Variants in RIMS1 observed in about 807,000 individuals in gnomAD.
RIMS1 encodes regulating synaptic membrane exocytosis protein 1.
RIMS1 carries 83 observed loss-of-function variants against 214.1 expected under a neutral mutation model. That is an observed-to-expected ratio of 0.39 (90% CI 0.32 to 0.47). The LOEUF (loss-of-function observed/expected upper bound fraction) is 0.47. Ranked by LOEUF, RIMS1 falls within the 20% of genes least tolerant of loss-of-function variation. The probability of loss-of-function intolerance (pLI) is 0.99; values close to 1 mark genes in which losing one functional copy is unlikely to be tolerated. For synonymous variants in RIMS1, 793 were observed against 786.8 expected (o/e 1.01, Z -0.13); for missense variants, 2,050 against 2,161.8 (o/e 0.95, Z 1.03).
chr6:72,108,372 G>A (rs2035231514), intron 4 of RIMS1, among the ~76,000 whole-genome samples: 1 of 152,136 alleles, frequency 6.6e-6, no homozygotes, highest in Non-Finnish European at 1.5e-5. Context: ...TTACAGTTGT[G>A]AGCCACTGGG....
chr6:71,956,047 C>T (rs1791174763), intron 1 of RIMS1, among the ~76,000 whole-genome samples: 1 of 151,844 alleles, frequency 6.6e-6, no homozygotes, highest in African/African-American at 2.4e-5. Flanking sequence ...CAATGTCTCA[C>T]AAAATTTCTC....
At chr6:72,205,897 T>G (rs2052814474) in intron 6 of RIMS1, among the ~76,000 whole-genome samples, 1 of 152,154 alleles carries the variant, frequency 6.6e-6, no homozygotes, top group African/African-American at 2.4e-5. Context: ...TTGTTATATT[T>G]AATGACATAA....
intron 1 of RIMS1, among the ~76,000 whole-genome samples, chr6:71,913,376 A>G (rs558256041): frequency 1.3e-5 from 2 of 152,290 alleles, no homozygotes; most frequent in South Asian, 2.1e-4. Flanking sequence ...GTATTTTGAC[A>G]GACACTAAAT....
At chr6:72,206,421 C>T (rs2052923840) in intron 6 of RIMS1, among the ~76,000 whole-genome samples, 1 of 152,134 alleles carries the variant, frequency 6.6e-6, no homozygotes. Context: ...TTAAGTTCAA[C>T]TTGTGTTTCA....
At chr6:72,001,827 T>C (rs185704967) in intron 2 of RIMS1, among the ~76,000 whole-genome samples, 2 of 152,282 alleles carry the variant, frequency 1.3e-5, no homozygotes, top group Admixed American at 1.3e-4. Context: ...CCTGTGATAT[T>C]TTGGATAGTA....
intron 31 of RIMS1, among the ~76,000 whole-genome samples, chr6:72,396,280 G>C (rs897430840): frequency 6.6e-6 from 1 of 152,092 alleles, no homozygotes; most frequent in South Asian, 2.1e-4. Flanking sequence ...CAAAACACAC[G>C]TGTGTATGTG....
chr6:72,272,385 G>A (rs1182065565), intron 22 of RIMS1, among the ~76,000 whole-genome samples: 1 of 152,070 alleles, frequency 6.6e-6, no homozygotes, highest in Non-Finnish European at 1.5e-5. Flanking sequence ...CAAAAGCTTG[G>A]ATATAAATTG....
Position 72,182,736 on chromosome 6 carries a change from C to G in RIMS1, c.1265C>G (p.Pro422Arg). The change falls in exon 6 of 34, where the codon CCG (proline) becomes CGG (arginine). Residue 422 changes from proline to arginine, a missense_variant. Transcript: ENST00000521978. ...CCGGCGGCAGCCAGGGCCTCGCCGCCGGACTCGCCGCGGGCTTACTCGGCT... is the reference window on the plus strand; with the variant it reads ...CCGGCGGCAGCCAGGGCCTCGCCGCGGGACTCGCCGCGGGCTTACTCGGCT... Reference protein sequence around the residue: ...RAPAAARASPPDSPRAYSAER... With the variant: ...RAPAAARASPRDSPRAYSAER... The G allele has an allele frequency of 6.5e-7, 1 of 1,538,698 alleles. No homozygotes were observed. The highest frequency in any genetic ancestry group is 8.7e-7 in the Non-Finnish European group (1 of 1,145,538).
Position 72,400,720 on chromosome 6 carries a change from T to G in RIMS1, c.*6T>G. ...CTCCCTGTATTCGATCATAGTGAAC[T>G]CATACCAGAGTCATTCCAATAAAAC... On this transcript the variant is annotated 3_prime_UTR_variant, in exon 34 of 34. Transcript: ENST00000521978. The G allele has an allele frequency of 1.3e-6, 2 of 1,593,872 alleles. No homozygotes were observed. Among genetic ancestry groups the G allele is most frequent in the South Asian group, 1.1e-5 (1 of 90,382 alleles).
chr6:72,039,046 A>G (rs899808724), intron 2 of RIMS1, among the ~76,000 whole-genome samples: 1 of 152,188 alleles, frequency 6.6e-6, no homozygotes, highest in Non-Finnish European at 1.5e-5. Flanking sequence ...ACAATTCAAT[A>G]TTGAAAATGA....
At position 72,215,001 on chromosome 6, in the gene RIMS1, C is replaced by T. The variant is rs151048504; in HGVS notation, c.1679-18772C>T. On this transcript the variant is annotated intron_variant, in intron 6 of 33. Coordinates refer to ENST00000521978, the MANE Select transcript of RIMS1 (RefSeq NM_014989.7). ...CCTCCCAAAGTGTTGGTATTATAGG[C>T]GTGAGCCACTGCTCCCAGCCTGATT... Among the ~76,000 whole-genome samples, 10 of 152,294 alleles carry T rather than the reference C, an allele frequency of 6.6e-5. No homozygotes were observed. The East Asian group carries it at 1.4e-3, about 21-fold the overall frequency.
At chr6:71,969,193 G>A in intron 2 of RIMS1, 130 bp downstream of exon 2, 1 of 856,598 alleles carries the variant, frequency 1.2e-6, no homozygotes, top group Non-Finnish European at 2.0e-6. Context: ...AAAGGCTACT[G>A]TTGAATTAGA....
At chr6:71,994,749 A>C (rs994932062) in intron 2 of RIMS1, among the ~76,000 whole-genome samples, 6 of 152,216 alleles carry the variant, frequency 3.9e-5, no homozygotes, top group African/African-American at 1.4e-4. Flanking sequence ...AGTGGAATGA[A>C]GATTGTATTT....
chr6:72,150,552 G>T (rs988802894), intron 4 of RIMS1, among the ~76,000 whole-genome samples: 4 of 152,166 alleles, frequency 2.6e-5, no homozygotes, highest in Admixed American at 6.5e-5. Context: ...AAGAATATTT[G>T]ACTCCATTGT....
intron 1 of RIMS1, 86 bp from the exon 2 acceptor site, chr6:71,968,897 G>A (rs1795125906): frequency 1.5e-6 from 2 of 1,332,310 alleles, no homozygotes; most frequent in East Asian, 4.6e-5. Flanking sequence ...CCCTTAGAGT[G>A]TTTTTCAGTA....
At chr6:72,165,637 T>C (rs2046149976) in intron 4 of RIMS1, among the ~76,000 whole-genome samples, 1 of 152,218 alleles carries the variant, frequency 6.6e-6, no homozygotes, top group South Asian at 2.1e-4. Flanking sequence ...TGAGACAATG[T>C]ACTTTTGCTC....
At chr6:72,374,827 G>A (rs184479730) in intron 29 of RIMS1, among the ~76,000 whole-genome samples, 120 of 152,202 alleles carry the variant, frequency 7.9e-4, no homozygotes, top group Non-Finnish European at 1.5e-3. Flanking sequence ...CCATAATGTA[G>A]AATCAGTGGG....
At chr6:71,992,404 C>CTATCTT (rs200339642) in intron 2 of RIMS1, among the ~76,000 whole-genome samples, 1 of 110,080 alleles carries the variant, frequency 9.1e-6, no homozygotes, top group Non-Finnish European at 1.8e-5. Context: ...TTCTCTCTCT[C>CTATCTT]TCTTTCTTTC....
intron 2 of RIMS1, among the ~76,000 whole-genome samples, chr6:72,063,884 G>C (rs1828560803): frequency 6.6e-6 from 1 of 152,204 alleles, no homozygotes; most frequent in Non-Finnish European, 1.5e-5. Flanking sequence ...AAGTGTGGCT[G>C]TGTGGTTCCT....
Sources: gnomAD v4.1 joint callset for allele counts (sites outside exome capture counted in the v4.1 genomes callset) on GRCh38, gnomAD v4.1.1 for gene constraint, MANE v1.5 for transcripts, NCBI Gene and HGNC (gene_info 2026-07-23, HGNC 2026-07-21) for gene names.